The following BBS9 variants were observed in gnomAD, a reference collection of about 807,000 sequenced individuals.
The protein encoded by BBS9 is Bardet-Biedl syndrome 9, also known as protein PTHB1.
In BBS9, 89 loss-of-function variants were observed where a neutral mutation model predicts 117.7. That is an observed-to-expected ratio of 0.76 (90% CI 0.64 to 0.90). BBS9 has a LOEUF of 0.90. Ranked by LOEUF, BBS9 falls within the 40% of genes least tolerant of loss-of-function variation. The pLI is 0.00. For missense variants in BBS9, 982 were observed against 1,042.2 expected (o/e 0.94, Z 0.80); for synonymous variants, 379 against 370.9 (o/e 1.02, Z -0.25).
intron 19 of BBS9, among the ~76,000 whole-genome samples, chr7:33,403,001 G>A (rs1829190844): frequency 6.6e-6 from 1 of 151,592 alleles, no homozygotes; most frequent in Non-Finnish European, 1.5e-5. Context: ...CTACATCCAT[G>A]TTGCTGCAAA....
intron 16 of BBS9, among the ~76,000 whole-genome samples, chr7:33,363,620 G>T (rs1286575659): frequency 6.6e-6 from 1 of 151,798 alleles, no homozygotes; most frequent in Non-Finnish European, 1.5e-5. Flanking sequence ...ATGTTGAATA[G>T]AAATGGTGAG....
At chr7:33,351,914 T>TA (rs1232807348) in intron 14 of BBS9, 1 of 158,772 alleles carries the variant, frequency 6.3e-6, no homozygotes, top group Admixed American at 6.0e-5. Flanking sequence ...AGCATTCGAT[T>TA]GGCTAAAAGA....
At chr7:33,627,264 G>A (rs1466409903) in intron 21 of BBS9, among the ~76,000 whole-genome samples, 1 of 152,240 alleles carries the variant, frequency 6.6e-6, no homozygotes, top group Non-Finnish European at 1.5e-5. Context: ...TCCACACGAT[G>A]TTAGGCCTGC....
chr7:33,467,559 A>G (rs1358601965), intron 19 of BBS9, among the ~76,000 whole-genome samples: 1 of 76,504 alleles, frequency 1.3e-5, no homozygotes, highest in Non-Finnish European at 2.4e-5. Flanking sequence ...TGCTGTGGGA[A>G]CCCCCCAACT....
chr7:33,213,937 G>A (rs895556453), intron 5 of BBS9, among the ~76,000 whole-genome samples: 6 of 152,092 alleles, frequency 3.9e-5, no homozygotes, highest in Admixed American at 3.3e-4. Flanking sequence ...AAGCTGCACT[G>A]TCTAGGGTTG....
At chr7:33,187,750 C>G (rs1783358290) in intron 5 of BBS9, among the ~76,000 whole-genome samples, 1 of 152,024 alleles carries the variant, frequency 6.6e-6, no homozygotes, top group African/African-American at 2.4e-5. Flanking sequence ...AAAACCCCAT[C>G]TCTACTTAAA....
At chr7:33,276,357 TATCTA>T (rs1409484993) in intron 9 of BBS9, among the ~76,000 whole-genome samples, 1 of 152,218 alleles carries the variant, frequency 6.6e-6, no homozygotes, top group African/African-American at 2.4e-5. Context: ...TCTTATTACT[TATCTA>T]AACTGAGGCA....
intron 19 of BBS9, among the ~76,000 whole-genome samples, chr7:33,493,520 T>C (rs1284486226): frequency 6.6e-6 from 1 of 152,228 alleles, no homozygotes; most frequent in East Asian, 1.9e-4. Flanking sequence ...GTACGTCTCA[T>C]ACCTAATTTT....
chr7:33,272,722 A>G (rs1800011443), intron 7 of BBS9, among the ~76,000 whole-genome samples: 1 of 152,168 alleles, frequency 6.6e-6, no homozygotes, highest in Non-Finnish European at 1.5e-5. Flanking sequence ...TAAGCACAAT[A>G]TCATTTTCAT....
intron 21 of BBS9, among the ~76,000 whole-genome samples, chr7:33,634,276 A>G (rs1357321828): frequency 6.6e-6 from 1 of 152,208 alleles, no homozygotes; most frequent in East Asian, 1.9e-4. Context: ...AACAGAGCCT[A>G]AAGGCTCCTG....
At chr7:33,602,195 C>G (rs1563433969) in intron 21 of BBS9, among the ~76,000 whole-genome samples, 1 of 122,310 alleles carries the variant, frequency 8.2e-6, no homozygotes, top group African/African-American at 4.6e-5. Context: ...AGAGGCTGAG[C>G]AGGTGCAGCT....
intron 21 of BBS9, among the ~76,000 whole-genome samples, chr7:33,535,987 C>T (rs1476686860): frequency 1.3e-5 from 2 of 151,724 alleles, no homozygotes; most frequent in Non-Finnish European, 2.9e-5. Context: ...TTGTAAGTAA[C>T]CTAAGGGCTG....
At chr7:33,578,370 A>T (rs1859300428) in intron 21 of BBS9, among the ~76,000 whole-genome samples, 1 of 152,214 alleles carries the variant, frequency 6.6e-6, no homozygotes, top group Non-Finnish European at 1.5e-5. Context: ...GACACTCCCA[A>T]GTGGGATGAC....
intron 16 of BBS9, among the ~76,000 whole-genome samples, chr7:33,364,094 G>A (rs1821187710): frequency 1.1e-5 from 1 of 88,538 alleles, no homozygotes; most frequent in Non-Finnish European, 2.3e-5. Flanking sequence ...GACTACAGGC[G>A]CCCGCTACCA....
At chr7:33,624,608 T>C (rs1029636611) in intron 21 of BBS9, among the ~76,000 whole-genome samples, 9 of 152,244 alleles carry the variant, frequency 5.9e-5, no homozygotes, top group African/African-American at 1.9e-4. Context: ...GATGTTAATA[T>C]AGGTCTTAAC....
intron 19 of BBS9, among the ~76,000 whole-genome samples, chr7:33,393,517 C>T (rs901679373): frequency 2.6e-5 from 4 of 152,158 alleles, no homozygotes; most frequent in Admixed American, 6.5e-5. Context: ...GGTCCTGGCC[C>T]TGTTAGGATA....
intron 18 of BBS9, among the ~76,000 whole-genome samples, chr7:33,384,464 G>GA (rs1178031006): frequency 6.6e-6 from 1 of 152,142 alleles, no homozygotes; most frequent in Non-Finnish European, 1.5e-5. Context: ...ATCTTTTGAA[G>GA]ATTGATTTGA....
intron 21 of BBS9, among the ~76,000 whole-genome samples, chr7:33,538,804 G>C (rs947345182): frequency 8.6e-5 from 13 of 150,562 alleles, no homozygotes; most frequent in Non-Finnish European, 1.6e-4. Flanking sequence ...GTTCCAAAAT[G>C]GGAAAATGCT....
At chr7:33,174,664 C>A (rs757906448) in intron 4 of BBS9, among the ~76,000 whole-genome samples, 2 of 152,180 alleles carry the variant, frequency 1.3e-5, no homozygotes, top group Non-Finnish European at 1.5e-5. Flanking sequence ...TGTTATAGTT[C>A]ATTATGTACA....
Sources: gnomAD v4.1 joint callset for allele counts (sites outside exome capture counted in the v4.1 genomes callset) on GRCh38, gnomAD v4.1.1 for gene constraint, MANE v1.5 for transcripts, NCBI Gene and HGNC (gene_info 2026-07-23, HGNC 2026-07-21) for gene names.